The following HMCN1 variants were observed in gnomAD, a reference collection of about 807,000 sequenced individuals.
HMCN1 encodes hemicentin 1, also known as hemicentin-1.
Under a neutral mutation model 625.9 loss-of-function variants are expected in HMCN1, and 321 were observed. The ratio of observed to expected loss-of-function variants is 0.51; its 90% CI spans 0.47 to 0.56. The LOEUF is 0.56. Among genes scored for constraint, HMCN1 ranks in the 20% least tolerant of loss-of-function variants. HMCN1 has a pLI of 0.00. For synonymous variants in HMCN1, 2,425 were observed against 2,417.6 expected (o/e 1.00, Z -0.09); for missense variants, 6,588 against 6,887.3 (o/e 0.96, Z 1.54).
intron 75 of HMCN1, 71 bp downstream of exon 75, chr1:186,115,485 C>G: frequency 7.3e-7 from 1 of 1,378,714 alleles, no homozygotes; most frequent in South Asian, 1.2e-5. Flanking sequence ...TTAATTCTAT[C>G]AGTGGGGTCA....
chr1:185,757,201 G>A (rs1655188387), intron 1 of HMCN1, among the ~76,000 whole-genome samples: 1 of 152,158 alleles, frequency 6.6e-6, no homozygotes, highest in African/African-American at 2.4e-5. Context: ...TTGAACTTCT[G>A]ACCTCAAATA....
intron 1 of HMCN1, among the ~76,000 whole-genome samples, chr1:185,775,147 G>T (rs1656506972): frequency 6.6e-6 from 1 of 152,130 alleles, no homozygotes; most frequent in Non-Finnish European, 1.5e-5. Flanking sequence ...ATTATCACCT[G>T]GATATTTTTG....
Position 186,144,643 on chromosome 1 carries a change from G to A in HMCN1, c.14206G>A (p.Gly4736Arg). Residue 4736 changes from glycine (G) to arginine (R), a missense_variant, in exon 91 of 107, where the codon GGA becomes AGA. Gly to Arg is a moderately radical substitution (Grantham distance 125). Transcript: ENST00000271588. ...GCSDPVPQYG[G>R]RKCEGSDVQS... ...CTCCGACCCTGTGCCCCAGTATGGA[G>A]GAAGGAAATGCGAAGGGAGTGATGT... 1 of 1,614,140 alleles carries A rather than the reference G, an allele frequency of 6.2e-7. No homozygotes were observed. The highest frequency in any genetic ancestry group is 1.7e-5 in the Admixed American group (1 of 60,016).
chr1:185,816,069 G>T (rs1347189602), intron 1 of HMCN1, among the ~76,000 whole-genome samples: 1 of 150,516 alleles, frequency 6.6e-6, no homozygotes, highest in African/African-American at 2.5e-5. Context: ...AGTAGAGCAA[G>T]GAATTATTTT....
rs762135627 is a variant in HMCN1 at position 186,120,053 on chromosome 1, C to G, written c.12137C>G (p.Ser4046Cys). Reference protein sequence around the residue: ...AVLPSGGLQISRAVREDAGTY... With the variant: ...AVLPSGGLQICRAVREDAGTY... ...CTTCCTAGTGGCGGCTTACAGATCT[C>G]CAGAGCTGTCCGAGAGGATGCTGGC... is the stretch of plus-strand genomic sequence containing the variant. Residue 4046 changes from serine (S) to cysteine (C), a missense_variant, in exon 80 of 107, where the codon TCC becomes TGC. By Grantham distance (112) the Ser-to-Cys change is moderately radical. Coordinates refer to ENST00000271588, the MANE Select transcript of HMCN1 (RefSeq NM_031935.3). 4 of 1,613,894 alleles carry G rather than the reference C, an allele frequency of 2.5e-6. No individual in the cohort carries two copies. The African/African-American group carries it at 5.3e-5, about 22-fold the overall frequency.
At chr1:186,047,022 A>G (rs1047376261) in intron 41 of HMCN1, among the ~76,000 whole-genome samples, 1 of 152,150 alleles carries the variant, frequency 6.6e-6, no homozygotes. Flanking sequence ...TGCTAAAGGA[A>G]TGTTTATTAC....
chr1:186,171,334 C>G lies in HMCN1; in HGVS notation c.15575-3C>G. On this transcript the variant is annotated splice_region_variant and splice_polypyrimidine_tract_variant and intron_variant, in intron 100 of 106. Coordinates refer to ENST00000271588, the MANE Select transcript of HMCN1 (RefSeq NM_031935.3). The stretch of plus-strand genomic sequence containing the variant: ...ATAATGAAAGTTTTGTTTTATTTAA[C>G]AGATATTAATGAATGTCAAGAATCC... 6.2e-7 allele frequency: 1 copy of G among 1,604,480 alleles called. No homozygotes were observed. The highest frequency in any genetic ancestry group is 8.5e-7 in the Non-Finnish European group (1 of 1,171,546).
intron 1 of HMCN1, among the ~76,000 whole-genome samples, chr1:185,739,695 C>T (rs758302412): frequency 1.4e-4 from 22 of 152,200 alleles, no homozygotes; most frequent in Non-Finnish European, 2.6e-4. Flanking sequence ...CAGATAAAAG[C>T]GCCTGCATTC....
chr1:186,172,257 G>A, intron 102 of HMCN1, 126 bp downstream of exon 102: 1 of 1,300,736 alleles, frequency 7.7e-7, no homozygotes, highest in Non-Finnish European at 1.1e-6. Context: ...TTTTCCATAA[G>A]TACTCCCAAC....
At chr1:185,762,250 A>G (rs984110861) in intron 1 of HMCN1, among the ~76,000 whole-genome samples, 1 of 152,160 alleles carries the variant, frequency 6.6e-6, no homozygotes, top group Admixed American at 6.5e-5. Flanking sequence ...AGATCTCCAT[A>G]TATTTTTTAA....
chr1:185,886,010 A>C lies in HMCN1; in HGVS notation c.621+20147A>C, dbSNP rs190553859. ...TTGGAAATCTACCTTTTTAAATTAA[A>C]AAAAGTATCTAAATGCTTATTGTGT... On this transcript the variant is annotated intron_variant, in intron 4 of 106. Coordinates refer to ENST00000271588, the MANE Select transcript of HMCN1 (RefSeq NM_031935.3). Among the ~76,000 whole-genome samples, 206 of 152,244 alleles carry C rather than the reference A, an allele frequency of 1.4e-3. 2 individuals carry two copies. Among genetic ancestry groups the C allele is most frequent in the African/African-American group, 4.7e-3 (196 of 41,572 alleles).
At chr1:186,048,317 AAAG>A (rs1450696644) in intron 41 of HMCN1, among the ~76,000 whole-genome samples, 1 of 152,150 alleles carries the variant, frequency 6.6e-6, no homozygotes, top group African/African-American at 2.4e-5. Flanking sequence ...TACTTAGCTT[AAAG>A]AAGCTTACAA....
intron 20 of HMCN1, among the ~76,000 whole-genome samples, chr1:185,988,388 T>C (rs560367328): frequency 6.6e-6 from 1 of 152,382 alleles, no homozygotes; most frequent in East Asian, 1.9e-4. Context: ...AGTAATGACA[T>C]GCTAATGAAG....
At chr1:185,970,887 T>A (rs982497202) in intron 15 of HMCN1, among the ~76,000 whole-genome samples, 10 of 152,116 alleles carry the variant, frequency 6.6e-5, no homozygotes, top group Admixed American at 5.2e-4. Context: ...CTTGAACTCC[T>A]GACCTCGTGA....
chr1:185,959,656 A>G (rs1295946945), intron 11 of HMCN1, among the ~76,000 whole-genome samples: 1 of 152,050 alleles, frequency 6.6e-6, no homozygotes, highest in African/African-American at 2.4e-5. Context: ...GGTGGTGGTG[A>G]TGATAATGGT....
rs201241621 is a variant in HMCN1, at chr1:186,166,867, A to G, written c.15499A>G (p.Thr5167Ala). 208 of 1,614,178 alleles carry G rather than the reference A, an allele frequency of 1.3e-4. 5 individuals carry two copies. Among genetic ancestry groups the G allele is most frequent in the South Asian group, 1.2e-3 (112 of 91,084 alleles). The change falls in exon 100 of 107, where the codon ACG becomes GCG. Residue 5167 changes from threonine to alanine, a missense_variant. Thr to Ala is a moderately conservative substitution (Grantham distance 58). Coordinates refer to ENST00000271588, the MANE Select transcript of HMCN1 (RefSeq NM_031935.3). ...CCACGCTGGTCAGGACTGTGACAAT[A>G]CGATTGGATCTTATCGCTGTGTGGT... is the stretch of plus-strand genomic sequence containing the variant. ...TCHAGQDCDN[T>A]IGSYRCVVRC...
rs145454566 is a variant in HMCN1, at chr1:186,152,793, C to T, written c.14940C>T (p.Ser4980=). 83 of 1,613,926 alleles carry T rather than the reference C, an allele frequency of 5.1e-5. No individual in the cohort carries two copies. Among genetic ancestry groups the T allele is most frequent in the East Asian group, 2.5e-4 (11 of 44,866 alleles). ...GTCATATTGCCCGGGGCTTGGATTC[C>T]GATGGTTCTTTGCTGCTAGATATCG... ...QMSHIARGLD[S]DGSLLLDIVV... Residue 4980 remains serine, a synonymous_variant, in exon 96 of 107, where the codon TCC becomes TCT. Coordinates refer to ENST00000271588, the MANE Select transcript of HMCN1 (RefSeq NM_031935.3).
rs768442823 is a variant in HMCN1 at position 186,078,112 on chromosome 1, C to A, written c.8491C>A (p.Arg2831=). 2.5e-6 allele frequency: 4 copies of A among 1,610,444 alleles called. No individual in the cohort carries two copies. In the South Asian group the frequency reaches 3.3e-5, roughly 13 times the overall value. ...SDKVLILPGG[R]VLQIPRAKVE... is the part of the protein sequence containing the mutation. ...TAGTGGGATATTATTTTCAGGAGGG[C>A]GAGTGTTGCAGATTCCTCGGGCTAA... Residue 2831 remains arginine (R), a synonymous_variant, in exon 55 of 107, where the codon CGA becomes AGA. Transcript: ENST00000271588.
intron 23 of HMCN1, among the ~76,000 whole-genome samples, chr1:185,994,452 G>T (rs368738465): frequency 1.3e-5 from 2 of 152,264 alleles, no homozygotes; most frequent in East Asian, 1.9e-4. Context: ...GAAATTATCT[G>T]CATTGCCTTT....
Sources: allele counts gnomAD v4.1 joint callset (sites outside exome capture counted in the v4.1 genomes callset), GRCh38; gene constraint gnomAD v4.1.1; transcripts MANE v1.5; gene names NCBI Gene and HGNC (gene_info 2026-07-23, HGNC 2026-07-21).